Variants in CDKAL1 observed in about 807,000 individuals in gnomAD.
CDKAL1 encodes the protein CDKAL1 threonylcarbamoyladenosine tRNA methylthiotransferase.
A neutral mutation model predicts 68.2 loss-of-function variants in CDKAL1; 32 were observed. That is an observed-to-expected ratio of 0.47 (90% confidence interval 0.35 to 0.63). The LOEUF is 0.63. Among genes scored for constraint, CDKAL1 ranks in the 30% least tolerant of loss-of-function variants. CDKAL1 has a pLI of 0.00. For missense variants in CDKAL1, 606 were observed against 696.7 expected, an observed-to-expected ratio of 0.87 and a Z score of 1.47; for synonymous variants, 234 against 244.3, an observed-to-expected ratio of 0.96 and a Z score of 0.39.
At chr6:20,812,972 A>G (rs771203924) in intron 8 of CDKAL1, among the ~76,000 whole-genome samples, 8 of 152,166 alleles carry the variant, frequency 5.3e-5, no homozygotes, top group Non-Finnish European at 8.8e-5. Flanking sequence ...TTACCTTGGC[A>G]CCAACACCCA....
At chr6:21,072,531 G>A (rs1771836810) in intron 12 of CDKAL1, among the ~76,000 whole-genome samples, 1 of 139,630 alleles carries the variant, frequency 7.2e-6, no homozygotes, top group Non-Finnish European at 1.5e-5. Context: ...CTCTAGCCTG[G>A]GCGACTGAGC....
intron 13 of CDKAL1, among the ~76,000 whole-genome samples, chr6:21,193,624 C>G (rs11759448): frequency 0.011 from 1,743 of 152,248 alleles, 11 homozygotes; most frequent in Middle Eastern, 0.017. Context: ...TCTTTGTCCC[C>G]TACTGACCAA....
chr6:20,726,372 C>G (rs1327235257), intron 5 of CDKAL1, among the ~76,000 whole-genome samples: 1 of 152,164 alleles, frequency 6.6e-6, no homozygotes, highest in Non-Finnish European at 1.5e-5. Context: ...CTGACTGATG[C>G]CTTTTGTTTC....
At chr6:20,938,729 A>C (rs1763838924) in intron 9 of CDKAL1, among the ~76,000 whole-genome samples, 1 of 152,202 alleles carries the variant, frequency 6.6e-6, no homozygotes, top group African/African-American at 2.4e-5. Flanking sequence ...CGTAAGTAGG[A>C]AACATTAACA....
chr6:21,040,302 T>C (rs1201016167), intron 11 of CDKAL1, among the ~76,000 whole-genome samples: 2 of 152,198 alleles, frequency 1.3e-5, no homozygotes, highest in African/African-American at 4.8e-5. Context: ...TTTAAGGATG[T>C]TGAGCTTTTT....
At chr6:20,906,622 A>G (rs1008046882) in intron 9 of CDKAL1, among the ~76,000 whole-genome samples, 1 of 152,208 alleles carries the variant, frequency 6.6e-6, no homozygotes, top group African/African-American at 2.4e-5. Context: ...GTCATGTCCA[A>G]ATAAACCCAC....
At chr6:20,624,372 AG>A (rs938552274) in intron 4 of CDKAL1, among the ~76,000 whole-genome samples, 2 of 113,424 alleles carry the variant, frequency 1.8e-5, no homozygotes, top group African/African-American at 6.4e-5. Flanking sequence ...TCGATTTTTA[AG>A]TTTTTTCCCC....
chr6:20,612,273 G>A (rs773296444), intron 4 of CDKAL1, among the ~76,000 whole-genome samples: 2 of 152,224 alleles, frequency 1.3e-5, no homozygotes, highest in East Asian at 3.9e-4. Flanking sequence ...ATACCCGTTA[G>A]TGGGATTGCT....
intron 8 of CDKAL1, among the ~76,000 whole-genome samples, chr6:20,833,372 G>A (rs1215100255): frequency 6.6e-6 from 1 of 152,050 alleles, no homozygotes; most frequent in Non-Finnish European, 1.5e-5. Context: ...TTTCCTATAC[G>A]TGTTCTTAAC....
intron 9 of CDKAL1, among the ~76,000 whole-genome samples, chr6:20,916,724 T>G (rs1171085810): frequency 6.6e-6 from 1 of 152,176 alleles, no homozygotes; most frequent in East Asian, 1.9e-4. Context: ...CATTTATATT[T>G]TAGGTTTAAT....
At chr6:20,937,323 A>G (rs983669905) in intron 9 of CDKAL1, among the ~76,000 whole-genome samples, 5 of 152,206 alleles carry the variant, frequency 3.3e-5, no homozygotes, top group Admixed American at 2.6e-4. Context: ...ACTGGGATCA[A>G]GTGATCATCC....
chr6:21,218,515 GGCCTT>G (rs1779420084), intron 15 of CDKAL1, among the ~76,000 whole-genome samples: 1 of 152,186 alleles, frequency 6.6e-6, no homozygotes. Context: ...CCGGGGATGT[GGCCTT>G]AGCTGAAGGC....
chr6:21,087,194 G>C (rs1422869001), intron 12 of CDKAL1, among the ~76,000 whole-genome samples: 2 of 152,204 alleles, frequency 1.3e-5, no homozygotes, highest in Non-Finnish European at 2.9e-5. Flanking sequence ...GATGTCATTG[G>C]AAATAGAGTA....
At chr6:20,977,440 T>G (rs1765893429) in intron 10 of CDKAL1, among the ~76,000 whole-genome samples, 1 of 152,236 alleles carries the variant, frequency 6.6e-6, no homozygotes, top group Admixed American at 6.5e-5. Flanking sequence ...ATTTTAGCAC[T>G]ATGTAACCAT....
chr6:20,782,591 C>T (rs956209083), intron 8 of CDKAL1, among the ~76,000 whole-genome samples: 1 of 152,132 alleles, frequency 6.6e-6, no homozygotes, highest in Non-Finnish European at 1.5e-5. Context: ...CTCTTTTTCT[C>T]AGTTGCCTTG....
At chr6:21,026,839 A>G (rs1327668347) in intron 11 of CDKAL1, among the ~76,000 whole-genome samples, 1 of 152,186 alleles carries the variant, frequency 6.6e-6, no homozygotes, top group Non-Finnish European at 1.5e-5. Context: ...ACATGACTTT[A>G]TGAATTATTT....
chr6:21,181,516 C>G (rs1032151544), intron 13 of CDKAL1, among the ~76,000 whole-genome samples: 4 of 152,202 alleles, frequency 2.6e-5, no homozygotes, highest in Admixed American at 6.5e-5. Flanking sequence ...AGAAGGCCCT[C>G]ACGAGGCACT....
chr6:20,723,317 C>T (rs532501911), intron 5 of CDKAL1, among the ~76,000 whole-genome samples: 1 of 152,372 alleles, frequency 6.6e-6, no homozygotes, highest in Non-Finnish European at 1.5e-5. Flanking sequence ...CTGTATCACC[C>T]CCTCTGGGGC....
At chr6:20,538,981 A>G (rs960005914) in intron 2 of CDKAL1, among the ~76,000 whole-genome samples, 2 of 152,252 alleles carry the variant, frequency 1.3e-5, no homozygotes, top group Non-Finnish European at 2.9e-5. Flanking sequence ...TGAGGAAGAT[A>G]CAATTATATA....
Sources: gnomAD v4.1 joint callset for allele counts (sites outside exome capture counted in the v4.1 genomes callset) on GRCh38, gnomAD v4.1.1 for gene constraint, MANE v1.5 for transcripts, NCBI Gene and HGNC (gene_info 2026-07-23, HGNC 2026-07-21) for gene names.